Variants in GARNL3 observed in about 807,000 individuals in gnomAD.
GARNL3 encodes the protein GTPase-activating Rap/Ran-GAP domain-like protein 3.
A neutral mutation model predicts 125.0 loss-of-function variants in GARNL3; 63 were observed. That is an observed-to-expected ratio of 0.50 (90% confidence interval 0.41 to 0.62). The LOEUF (loss-of-function observed/expected upper bound fraction) is 0.62. Among genes scored for constraint, GARNL3 ranks in the 20% least tolerant of loss-of-function variants. GARNL3 has a pLI of 0.00. For synonymous variants in GARNL3, 439 were observed against 457.5 expected (o/e 0.96, Z 0.52); for missense variants, 994 against 1,244.0 (o/e 0.80, Z 3.02).
At chr9:127,271,419 A>G (rs534777939) in intron 1 of GARNL3, among the ~76,000 whole-genome samples, 1 of 150,486 alleles carries the variant, frequency 6.6e-6, no homozygotes, top group African/African-American at 2.5e-5. Context: ...TAACCCATCA[A>G]AAATAAATAA....
intron 22 of GARNL3, among the ~76,000 whole-genome samples, chr9:127,383,041 T>C (rs1427893416): frequency 6.6e-6 from 1 of 152,194 alleles, no homozygotes; most frequent in African/African-American, 2.4e-5. Flanking sequence ...CAGACCTGTG[T>C]TCAAACCCTG....
chr9:127,294,039 C>T (rs2064507080), intron 2 of GARNL3, among the ~76,000 whole-genome samples: 1 of 152,124 alleles, frequency 6.6e-6, no homozygotes, highest in South Asian at 2.1e-4. Context: ...TTCTGATTCC[C>T]TCTTCCTTCA....
At chr9:127,284,584 A>G (rs1588754565) in intron 1 of GARNL3, among the ~76,000 whole-genome samples, 1 of 151,614 alleles carries the variant, frequency 6.6e-6, no homozygotes, top group East Asian at 1.9e-4. Flanking sequence ...TGCTTAGTTC[A>G]TTGTTTTTAT....
chr9:127,375,059 G>A (rs1314708880), intron 22 of GARNL3, among the ~76,000 whole-genome samples: 2 of 152,202 alleles, frequency 1.3e-5, no homozygotes. Flanking sequence ...ATGTGTGGCT[G>A]GTGGAAATGT....
chr9:127,271,784 C>T (rs919702783), intron 1 of GARNL3, among the ~76,000 whole-genome samples: 3 of 150,258 alleles, frequency 2.0e-5, no homozygotes, highest in East Asian at 3.8e-4. Context: ...CATAAAACCC[C>T]GTATCTTGAT....
At chr9:127,312,579 A>C (rs2065125168) in intron 3 of GARNL3, among the ~76,000 whole-genome samples, 1 of 152,220 alleles carries the variant, frequency 6.6e-6, no homozygotes. Flanking sequence ...ATGGAAGAAT[A>C]ATCACTATTT....
In GARNL3 at chr9:127,266,170, A is replaced by G. The variant is rs562872199; in HGVS notation, c.144+1149A>G. ...CCCCTGAAGGAGCAGGTGCATAGCT[A>G]TAAGTCAGAGTAGGAATTGGTACTG... On this transcript the variant is annotated intron_variant, in intron 1 of 27. Transcript: ENST00000373387. This position sits in a 1 kb window ranked among gnomAD's most constrained non-coding sequence, Gnocchi z 4.0. Among the ~76,000 whole-genome samples the G allele has an allele frequency of 2.0e-5, 3 of 152,232 alleles. No individual in the cohort carries two copies. Among genetic ancestry groups the G allele is most frequent in the East Asian group, 1.9e-4 (1 of 5,178 alleles).
intron 5 of GARNL3, among the ~76,000 whole-genome samples, chr9:127,318,741 C>T (rs1458608386): frequency 6.6e-6 from 1 of 152,170 alleles, no homozygotes; most frequent in African/African-American, 2.4e-5. Flanking sequence ...TGGATCCAGC[C>T]TGTTGCTTTG....
chr9:127,296,599 G>A (rs1233370781), intron 2 of GARNL3, among the ~76,000 whole-genome samples: 2 of 151,150 alleles, frequency 1.3e-5, no homozygotes, highest in African/African-American at 4.9e-5. Flanking sequence ...AGCCTCCCAA[G>A]TAGCTGAGAT....
chr9:127,371,736 TATC>T (rs1831618498), intron 22 of GARNL3, among the ~76,000 whole-genome samples: 1 of 152,140 alleles, frequency 6.6e-6, no homozygotes, highest in African/African-American at 2.4e-5. Flanking sequence ...CATAATAACA[TATC>T]ATTAATGTGT....
intron 1 of GARNL3, among the ~76,000 whole-genome samples, chr9:127,225,585 G>C (rs1225410286): frequency 2.0e-5 from 3 of 151,828 alleles, no homozygotes; most frequent in Non-Finnish European, 4.4e-5. Flanking sequence ...CCGTCGCGCG[G>C]GAGGTGCAGG....
intron 1 of GARNL3, among the ~76,000 whole-genome samples, chr9:127,265,811 A>G (rs554968699): frequency 6.6e-6 from 1 of 152,260 alleles, no homozygotes; most frequent in South Asian, 2.1e-4. Flanking sequence ...GTAGCACCCA[A>G]TTTTCCCCTA....
At chr9:127,360,721 C>T (rs532415376) in intron 21 of GARNL3, among the ~76,000 whole-genome samples, 1 of 152,192 alleles carries the variant, frequency 6.6e-6, no homozygotes, top group Non-Finnish European at 1.5e-5. Context: ...CGCTGCCTGC[C>T]CGCCTCTGTG....
At chr9:127,251,306 G>A (rs748907899) in intron 2 of GARNL3, among the ~76,000 whole-genome samples, 31 of 151,912 alleles carry the variant, frequency 2.0e-4, no homozygotes, top group African/African-American at 6.3e-4. Context: ...CTATATTTCC[G>A]TGAGTTTGGC....
chr9:127,353,001 T>G (rs939295823), intron 17 of GARNL3, among the ~76,000 whole-genome samples: 26 of 152,262 alleles, frequency 1.7e-4, no homozygotes, highest in African/African-American at 6.0e-4. Flanking sequence ...AACAGACCCT[T>G]TTGCTTACAG....
upstream of GARNL3, chr9:127,264,092 C>T (rs561943338): frequency 1.7e-5 from 14 of 813,648 alleles, no homozygotes; most frequent in East Asian, 2.8e-5. Flanking sequence ...TCTATGTTAT[C>T]GTAGAGTTAT....
At chr9:127,263,477 C>T (rs1451854572), upstream of GARNL3, among the ~76,000 whole-genome samples, 1 of 152,216 alleles carries the variant, frequency 6.6e-6, no homozygotes, top group Admixed American at 6.5e-5. Flanking sequence ...GCACTCCTCT[C>T]ACTGGAGCGG....
At chr9:127,268,919 A>G (rs561619953) in intron 1 of GARNL3, among the ~76,000 whole-genome samples, 27 of 152,194 alleles carry the variant, frequency 1.8e-4, no homozygotes, top group Non-Finnish European at 3.1e-4. Flanking sequence ...AGTGTATATC[A>G]GAATTTCATT....
At chr9:127,277,777 A>T (rs1232827544) in intron 1 of GARNL3, among the ~76,000 whole-genome samples, 2 of 151,788 alleles carry the variant, frequency 1.3e-5, no homozygotes, top group African/African-American at 2.4e-5. Context: ...GCCTCTGTTG[A>T]GTGTCATTTT....
Sources: gnomAD v4.1 joint callset for allele counts (sites outside exome capture counted in the v4.1 genomes callset) on GRCh38, gnomAD v4.1.1 for gene constraint, Gnocchi (gnomAD v3.1) non-coding constraint, MANE v1.5 for transcripts, NCBI Gene and HGNC (gene_info 2026-07-23, HGNC 2026-07-21) for gene names.